RARB: variants seen among roughly 807,000 people sequenced by gnomAD.
RARB encodes the protein HBV-activated protein.
A neutral mutation model predicts 51.9 loss-of-function variants in RARB; 17 were observed. The ratio of observed to expected loss-of-function variants is 0.33; its 90% confidence interval spans 0.22 to 0.49. RARB has a LOEUF of 0.49. Ranked by LOEUF, RARB falls within the 20% of genes least tolerant of loss-of-function variation. RARB has a pLI of 0.99. For synonymous variants in RARB, 215 were observed against 195.4 expected (o/e 1.10, Z -0.84); for missense variants, 369 against 550.8 (o/e 0.67, Z 3.30).
chr3:25,056,470 T>C (rs1329933784), intron 2 of RARB, among the ~76,000 whole-genome samples: 1 of 152,134 alleles, frequency 6.6e-6, no homozygotes, highest in Non-Finnish European at 1.5e-5. Flanking sequence ...GCATAAATAT[T>C]GTTTGGACAA....
At chr3:25,012,764 C>T (rs145522668) in intron 2 of RARB, among the ~76,000 whole-genome samples, 119 of 152,082 alleles carry the variant, frequency 7.8e-4, no homozygotes, top group African/African-American at 2.6e-3. Flanking sequence ...GAGAGATATA[C>T]AAAATTTGTG....
intron 5 of RARB, among the ~76,000 whole-genome samples, chr3:25,221,536 C>A (rs987029287): frequency 6.6e-6 from 1 of 152,152 alleles, no homozygotes; most frequent in African/African-American, 2.4e-5. Flanking sequence ...TAGACTGATA[C>A]AAGTACTGTC....
chr3:25,404,619 G>A (rs1344259730), intron 5 of RARB, among the ~76,000 whole-genome samples: 2 of 152,160 alleles, frequency 1.3e-5, no homozygotes, highest in East Asian at 3.9e-4. Flanking sequence ...CCTGCTGTTT[G>A]CAAGGTTCTT....
intron 5 of RARB, among the ~76,000 whole-genome samples, chr3:25,221,574 G>A (rs1014760059): frequency 2.0e-5 from 3 of 152,140 alleles, no homozygotes; most frequent in Non-Finnish European, 2.9e-5. Context: ...TAAGACATTG[G>A]TGGGTATAAG....
intron 3 of RARB, among the ~76,000 whole-genome samples, chr3:25,072,272 A>C (rs563647355): frequency 6.6e-6 from 1 of 152,332 alleles, no homozygotes; most frequent in South Asian, 2.1e-4. Flanking sequence ...AGCTCAGAAG[A>C]GTAAGCATGA....
intron 2 of RARB, among the ~76,000 whole-genome samples, chr3:24,989,307 A>G (rs1696862350): frequency 6.6e-6 from 1 of 152,232 alleles, no homozygotes; most frequent in African/African-American, 2.4e-5. Context: ...TCATAGCTAT[A>G]TCAGGTGTGT....
chr3:25,315,796 T>A (rs892602026), intron 5 of RARB, among the ~76,000 whole-genome samples: 5 of 151,986 alleles, frequency 3.3e-5, no homozygotes, highest in Non-Finnish European at 5.9e-5. Flanking sequence ...TTTTTTTATT[T>A]TTAGTAGAGA....
intron 5 of RARB, among the ~76,000 whole-genome samples, chr3:25,176,342 C>CTTTCTTTCTTTCTTTCT (rs1700747733): frequency 1.9e-5 from 1 of 52,362 alleles, no homozygotes; most frequent in Admixed American, 2.8e-4. Context: ...TCTTTCCTTC[C>CTTTCTTTCTTTCTTTCT]TTCCTTCCTT....
chr3:25,198,639 G>C (rs1701305580), intron 5 of RARB, among the ~76,000 whole-genome samples: 1 of 152,058 alleles, frequency 6.6e-6, no homozygotes, highest in Non-Finnish European at 1.5e-5. Context: ...GATTTGAATA[G>C]ATATTTCTCA....
intron 2 of RARB, among the ~76,000 whole-genome samples, chr3:25,478,489 A>G (rs373519032): frequency 2.9e-4 from 44 of 152,280 alleles, no homozygotes; most frequent in Middle Eastern, 3.4e-3. Flanking sequence ...ATGGGAACTG[A>G]GACAGACTGA....
chr3:25,087,803 A>T (rs1369894693), intron 3 of RARB, among the ~76,000 whole-genome samples: 1 of 151,700 alleles, frequency 6.6e-6, no homozygotes, highest in Non-Finnish European at 1.5e-5. Flanking sequence ...ACACTAGAAA[A>T]CTATAGCATT....
At chr3:25,576,097 G>C (rs1398348079) in intron 4 of RARB, among the ~76,000 whole-genome samples, 1 of 141,792 alleles carries the variant, frequency 7.1e-6, no homozygotes, top group Admixed American at 7.0e-5. Context: ...AAAAGCAATA[G>C]CATGAACACG....
At chr3:24,908,663 G>GTTTT (rs59008287) in intron 2 of RARB, among the ~76,000 whole-genome samples, 20,978 of 92,908 alleles carry the variant, frequency 0.23, 4,884 homozygotes, top group Non-Finnish European at 0.33. Flanking sequence ...AACCACAACT[G>GTTTT]TTTTTTTTTT....
chr3:24,842,287 G>A (rs989880591), intron 1 of RARB, among the ~76,000 whole-genome samples: 1 of 152,074 alleles, frequency 6.6e-6, no homozygotes, highest in African/African-American at 2.4e-5. Context: ...AGTTAGGTCA[G>A]CACATTAAAA....
At chr3:25,477,759 A>T (rs1439041519) in intron 2 of RARB, among the ~76,000 whole-genome samples, 2 of 152,252 alleles carry the variant, frequency 1.3e-5, no homozygotes, top group Non-Finnish European at 2.9e-5. Flanking sequence ...CCATTGCTGT[A>T]TAACAAACCA....
intron 2 of RARB, among the ~76,000 whole-genome samples, chr3:24,880,402 A>T (rs945458117): frequency 2.6e-5 from 4 of 152,192 alleles, no homozygotes; most frequent in African/African-American, 9.7e-5. Flanking sequence ...GAGATAAAAG[A>T]AGATAAAGCC....
At chr3:25,175,844 T>A (rs1487694614) in intron 5 of RARB, among the ~76,000 whole-genome samples, 2 of 152,174 alleles carry the variant, frequency 1.3e-5, no homozygotes, top group Non-Finnish European at 2.9e-5. Context: ...GCTTCTGAAG[T>A]TCAAACTGAA....
At chr3:25,588,815 C>A (rs1056004518) in intron 5 of RARB, among the ~76,000 whole-genome samples, 8 of 152,256 alleles carry the variant, frequency 5.3e-5, no homozygotes, top group Middle Eastern at 3.4e-3. Flanking sequence ...GGTTAACTGT[C>A]CTCTTGAAAT....
At chr3:25,097,488 C>T (rs979332094) in intron 3 of RARB, among the ~76,000 whole-genome samples, 1 of 152,130 alleles carries the variant, frequency 6.6e-6, no homozygotes, top group African/African-American at 2.4e-5. Context: ...ATCAGAAATA[C>T]TTTCCAAAAG....
Sources: gnomAD v4.1 joint callset for allele counts (sites outside exome capture counted in the v4.1 genomes callset) on GRCh38, gnomAD v4.1.1 for gene constraint, MANE v1.5 for transcripts, NCBI Gene and HGNC (gene_info 2026-07-23, HGNC 2026-07-21) for gene names.